GALNTL5: variants seen among roughly 807,000 people sequenced by gnomAD.
The protein encoded by GALNTL5 is polypeptide N-acetylgalactosaminyltransferase like 5.
In GALNTL5, 44 loss-of-function variants were observed where a neutral mutation model predicts 51.0. That is an observed-to-expected ratio of 0.86 (90% CI 0.68 to 1.11). The LOEUF is 1.11. GALNTL5 is among the 50% of genes least tolerant of loss of function. The probability of loss-of-function intolerance (pLI) is 0.00; values close to 1 mark genes in which losing one functional copy is unlikely to be tolerated. For missense variants in GALNTL5, 528 were observed against 531.8 expected, an observed-to-expected ratio of 0.99 and a Z score of 0.07; for synonymous variants, 192 against 182.8, an observed-to-expected ratio of 1.05 and a Z score of -0.41.
In GALNTL5 at chr7:151,982,861, C is replaced by T. The variant is rs947650941; in HGVS notation, c.369-125C>T. ...TTTAGATGTACTGTCACCTTATTAC[C>T]ATAATTATCAGTTGAAGGAGTAAAG... On this transcript the variant is annotated intron_variant, in intron 3 of 8. Coordinates refer to ENST00000392800, the MANE Select transcript of GALNTL5 (RefSeq NM_145292.4). The T allele has an allele frequency of 3.8e-6, 6 of 1,576,608 alleles. No homozygotes were observed. In the African/African-American group the frequency reaches 8.1e-5, roughly 21 times the overall value.
intron 4 of GALNTL5, among the ~76,000 whole-genome samples, chr7:151,986,203 TC>T (rs1466106147): frequency 6.6e-6 from 1 of 152,126 alleles, no homozygotes; most frequent in Non-Finnish European, 1.5e-5. Context: ...TCGATAACTT[TC>T]CCAAGAGCTA....
chr7:151,971,113 A>AGATAGAT lies in GALNTL5; in HGVS notation c.368+49_368+55dup, dbSNP rs1409652912. On this transcript the variant is annotated intron_variant, in intron 3 of 8. Transcript: ENST00000392800. Reference sequence around the variant, plus strand: ...TCATTCTCTAGATAGATAGATAGATAGATAGATAGATAGATAGATAGATAG... The same window carrying AGATAGAT: ...TCATTCTCTAGATAGATAGATAGATAGATAGATGATAGATAGATAGATAGATAGATAG... The AGATAGAT allele has an allele frequency of 4.9e-6, 6 of 1,230,602 alleles. No individual in the cohort carries two copies. In the African/African-American group the frequency reaches 7.7e-5, roughly 16 times the overall value. The allele number at this position is 1,230,602 out of a possible 1,614,324, so 76.2% of individuals were successfully genotyped here.
chr7:152,015,157 A>C (rs897123979), intron 8 of GALNTL5, among the ~76,000 whole-genome samples: 1 of 152,052 alleles, frequency 6.6e-6, no homozygotes, highest in Non-Finnish European at 1.5e-5. Context: ...CCCTATTCTC[A>C]GTTCATCCTA....
intron 5 of GALNTL5, among the ~76,000 whole-genome samples, chr7:151,996,699 T>A (rs921311772): frequency 1.3e-5 from 2 of 152,024 alleles, no homozygotes; most frequent in African/African-American, 4.8e-5. Flanking sequence ...CAGTGAGCTA[T>A]GACTATGCCA....
intron 7 of GALNTL5, among the ~76,000 whole-genome samples, chr7:152,009,054 C>G (rs546273497): frequency 6.6e-6 from 1 of 152,294 alleles, no homozygotes; most frequent in South Asian, 2.1e-4. Flanking sequence ...TCCAATATTT[C>G]AATGGCGCCT....
chr7:152,009,201 T>A (rs1432686633), intron 7 of GALNTL5, among the ~76,000 whole-genome samples: 1 of 152,222 alleles, frequency 6.6e-6, no homozygotes, highest in Non-Finnish European at 1.5e-5. Context: ...TTGTCTTTCC[T>A]GAGAAAAGAA....
At chr7:152,018,807 C>A (rs2081852103) in intron 8 of GALNTL5, among the ~76,000 whole-genome samples, 1 of 152,120 alleles carries the variant, frequency 6.6e-6, no homozygotes, top group African/African-American at 2.4e-5. Flanking sequence ...GGTCACGGAT[C>A]CCCAGGGAGA....
At chr7:151,982,781 G>T in intron 3 of GALNTL5, 1 of 1,080,198 alleles carries the variant, frequency 9.3e-7, no homozygotes, top group Non-Finnish European at 1.3e-6. Flanking sequence ...TAAGAAGGGG[G>T]AAATTATTCA....
intron 1 of GALNTL5, among the ~76,000 whole-genome samples, chr7:151,957,382 TAAAA>T (rs33975032): frequency 2.2e-5 from 3 of 133,354 alleles, no homozygotes; most frequent in Non-Finnish European, 3.2e-5. Context: ...CATCTCTATT[TAAAA>T]AAAAAAAAAA....
At chr7:151,958,246 C>T (rs1451642418) in intron 1 of GALNTL5, among the ~76,000 whole-genome samples, 2 of 152,226 alleles carry the variant, frequency 1.3e-5, no homozygotes, top group Non-Finnish European at 2.9e-5. Context: ...AGGCTGCACT[C>T]GGCTGGCACT....
chr7:151,995,630 A>G (rs1029949964), intron 5 of GALNTL5, among the ~76,000 whole-genome samples: 5 of 151,596 alleles, frequency 3.3e-5, no homozygotes, highest in African/African-American at 4.8e-5. Flanking sequence ...TATCGAACTA[A>G]CATGGCTGTT....
At position 152,002,897 on chromosome 7, in the gene GALNTL5, A is replaced by T. The variant is rs772014459; in HGVS notation, c.842A>T (p.Gln281Leu). 1.2e-6 allele frequency: 2 copies of T among 1,613,736 alleles called. No homozygotes were observed. Among genetic ancestry groups the T allele is most frequent in the South Asian group, 1.1e-5 (1 of 91,076 alleles). ...AGGGGAACTTTTGATTGGAACCTAC[A>T]ATTTAAATGGGATAATGTTTTCTCT... The part of the protein sequence containing the change: ...LVRGTFDWNL[Q>L]FKWDNVFSYE... The change falls in exon 6 of 9, where the codon CAA becomes CTA. Residue 281 changes from glutamine (Q) to leucine (L), a missense_variant. Physicochemically the swap from Gln to Leu is moderately radical, Grantham distance 113. Coordinates refer to ENST00000392800, the MANE Select transcript of GALNTL5 (RefSeq NM_145292.4).
intron 4 of GALNTL5, chr7:151,985,917 C>T (rs2081355186): frequency 6.6e-6 from 1 of 152,290 alleles, no homozygotes; most frequent in Non-Finnish European, 1.5e-5. Context: ...AAGAAGATCC[C>T]TCCTTCTGCT....
rs114252825 is a variant in GALNTL5, at chr7:152,006,169, G to A, written c.909-1658G>A. Among the ~76,000 whole-genome samples, 156 of 152,318 alleles carry A rather than the reference G, an allele frequency of 1.0e-3. 1 individual carries two copies. Among genetic ancestry groups the A allele is most frequent in the African/African-American group, 3.6e-3 (150 of 41,568 alleles). On this transcript the variant is annotated intron_variant, in intron 6 of 8. Coordinates refer to ENST00000392800, the MANE Select transcript of GALNTL5 (RefSeq NM_145292.4). Reference sequence around the variant, plus strand: ...GCATGTGTGTCCAAGAGAAGGGTGTGGCCAGCAGCATCCAACACAGTGGCT... The same window carrying A: ...GCATGTGTGTCCAAGAGAAGGGTGTAGCCAGCAGCATCCAACACAGTGGCT...
intron 5 of GALNTL5, among the ~76,000 whole-genome samples, chr7:151,987,975 C>T (rs1049875125): frequency 5.3e-5 from 8 of 152,204 alleles, no homozygotes; most frequent in Middle Eastern, 3.2e-3. Flanking sequence ...ACCCTGGGAA[C>T]GGCATGACCT....
chr7:152,005,425 T>A (rs2081631092), intron 6 of GALNTL5, among the ~76,000 whole-genome samples: 1 of 152,102 alleles, frequency 6.6e-6, no homozygotes, highest in Admixed American at 6.6e-5. Flanking sequence ...GACTCCAACG[T>A]TTTCGGCCTG....
intron 8 of GALNTL5, 146 bp downstream of exon 8, chr7:152,014,939 A>C: frequency 1.5e-6 from 1 of 658,048 alleles, no homozygotes; most frequent in Non-Finnish European, 2.5e-6. Flanking sequence ...GGAAAACCAA[A>C]TACTGCATGT....
chr7:152,007,580 G>A (rs1403016273), intron 6 of GALNTL5, among the ~76,000 whole-genome samples: 2 of 151,666 alleles, frequency 1.3e-5, no homozygotes, highest in Non-Finnish European at 2.9e-5. Flanking sequence ...CACCTTGCCT[G>A]GCTAATTTTT....
intron 5 of GALNTL5, among the ~76,000 whole-genome samples, chr7:151,987,828 C>T (rs982690748): frequency 2.0e-5 from 3 of 152,202 alleles, no homozygotes; most frequent in African/African-American, 4.8e-5. Flanking sequence ...GTGCAGGTCT[C>T]AGAAAGGCTC....
Sources: allele counts gnomAD v4.1 joint callset (sites outside exome capture counted in the v4.1 genomes callset), GRCh38; gene constraint gnomAD v4.1.1; transcripts MANE v1.5; gene names NCBI Gene and HGNC (gene_info 2026-07-23, HGNC 2026-07-21).